LNX2: variants seen among roughly 807,000 people sequenced by gnomAD.
LNX2 encodes the protein ligand of Numb protein X 2.
A neutral mutation model predicts 66.2 loss-of-function variants in LNX2; 35 were observed. The observed-to-expected ratio is 0.53, with a 90% confidence interval of 0.40 to 0.70. The LOEUF (loss-of-function observed/expected upper bound fraction) is 0.70. LNX2 is among the 30% of genes least tolerant of loss of function. The probability of loss-of-function intolerance (pLI) is 0.00; values close to 1 mark genes in which losing one functional copy is unlikely to be tolerated. For missense variants in LNX2, 791 were observed against 850.8 expected (o/e 0.93, Z 0.87); for synonymous variants, 337 against 315.6 (o/e 1.07, Z -0.72).
At chr13:27,566,850 C>A (rs747930402) in intron 4 of LNX2, among the ~76,000 whole-genome samples, 1 of 152,008 alleles carries the variant, frequency 6.6e-6, no homozygotes, top group South Asian at 2.1e-4. Flanking sequence ...AGAAGTTATC[C>A]GTTTTTAAGC....
At chr13:27,560,293 T>C (rs1955115548) in intron 5 of LNX2, among the ~76,000 whole-genome samples, 1 of 152,126 alleles carries the variant, frequency 6.6e-6, no homozygotes, top group Non-Finnish European at 1.5e-5. Flanking sequence ...GTAACTTTTC[T>C]TGTAATACTT....
chr13:27,577,645 A>G (rs951909818), intron 2 of LNX2, among the ~76,000 whole-genome samples: 1 of 152,164 alleles, frequency 6.6e-6, no homozygotes, highest in East Asian at 1.9e-4. Flanking sequence ...CATGAACAAG[A>G]AAAGTTCTCA....
chr13:27,615,547 G>T (rs1234207682), intron 1 of LNX2, among the ~76,000 whole-genome samples: 1 of 152,112 alleles, frequency 6.6e-6, no homozygotes, highest in Non-Finnish European at 1.5e-5. Flanking sequence ...GGTGGTGGTG[G>T]GGCTGACAGT....
At chr13:27,618,266 T>G (rs970550222) in intron 1 of LNX2, among the ~76,000 whole-genome samples, 1 of 152,186 alleles carries the variant, frequency 6.6e-6, no homozygotes, top group Non-Finnish European at 1.5e-5. Context: ...CACACTAGCA[T>G]TTACTAAGTC....
chr13:27,551,839 AG>A (rs1344481542), intron 8 of LNX2, among the ~76,000 whole-genome samples: 2 of 152,212 alleles, frequency 1.3e-5, no homozygotes, highest in Non-Finnish European at 2.9e-5. Context: ...TGAAACAAAC[AG>A]CTTTCTTGTA....
chr13:27,578,034 T>G (rs1392822271), intron 2 of LNX2, among the ~76,000 whole-genome samples: 1 of 151,936 alleles, frequency 6.6e-6, no homozygotes, highest in African/African-American at 2.4e-5. Flanking sequence ...CACTAATACA[T>G]AATCAGTTAA....
At position 27,546,219 on chromosome 13, in the gene LNX2, C is replaced by T. The variant is rs1431310106; in HGVS notation, c.*2116G>A. ...TTCTTCTTTCAAAATACTCATTATG[C>T]CACCAGGTTCAATGTAAGTATTTTG... On this transcript the variant is annotated 3_prime_UTR_variant, in exon 10 of 10. Transcript: ENST00000316334. 6.6e-6 allele frequency: 1 copy of T among 152,124 alleles called. No individual in the cohort carries two copies. Among genetic ancestry groups the T allele is most frequent in the Non-Finnish European group, 1.5e-5 (1 of 68,024 alleles). The allele number at this position is 152,124 out of a possible 1,614,324, so 9.4% of individuals were successfully genotyped here. A position where few individuals can be genotyped will look rare whatever the true frequency, so the allele number is the denominator to read the frequency against.
intron 2 of LNX2, among the ~76,000 whole-genome samples, chr13:27,573,501 T>C (rs1348273744): frequency 6.7e-6 from 1 of 150,322 alleles, no homozygotes. Flanking sequence ...TGAAGACAAA[T>C]ACAAGGCTAA....
rs1002858583 is a variant in LNX2, at chr13:27,603,837, T to C, written c.-101+16538A>G. ...TTCAAATTGGTGAAAAAATGACTAT[T>C]ATGTATTCCACCAAAAAGGAGATGT... On this transcript the variant is annotated intron_variant, in intron 1 of 9. Coordinates refer to ENST00000316334, the MANE Select transcript of LNX2 (RefSeq NM_153371.4). Among the ~76,000 whole-genome samples the C allele has an allele frequency of 1.2e-4, 19 of 152,174 alleles. 1 individual carries two copies. Among genetic ancestry groups the C allele is most frequent in the Admixed American group, 1.0e-3 (16 of 15,290 alleles).
chr13:27,577,893 G>A (rs1955356602), intron 2 of LNX2, among the ~76,000 whole-genome samples: 1 of 152,160 alleles, frequency 6.6e-6, no homozygotes, highest in African/African-American at 2.4e-5. Flanking sequence ...TATAGCTGAT[G>A]TTGCTTGGCA....
At chr13:27,578,612 T>C (rs1955365754) in intron 2 of LNX2, among the ~76,000 whole-genome samples, 1 of 152,184 alleles carries the variant, frequency 6.6e-6, no homozygotes, top group Non-Finnish European at 1.5e-5. Context: ...TATGAGGCCA[T>C]GCAGCCTACT....
Position 27,580,638 on chromosome 13 carries a change from C to G in LNX2, c.407+659G>C, listed in dbSNP as rs1339954768. 2.2e-4 allele frequency among the ~76,000 whole-genome samples: 33 copies of G among 152,108 alleles called. 1 individual carries two copies. Among genetic ancestry groups the G allele is most frequent in the Admixed American group, 2.0e-3 (30 of 15,272 alleles). On this transcript the variant is annotated intron_variant, in intron 2 of 9. Transcript: ENST00000316334. ...ACCTTTTAAAAAGCTTTTATGAGAA[C>G]AGAAATCCCCACTAAATATTTAGTT... is the stretch of plus-strand genomic sequence containing the variant.
chr13:27,577,242 T>A (rs1014179348), intron 2 of LNX2, among the ~76,000 whole-genome samples: 2 of 152,332 alleles, frequency 1.3e-5, no homozygotes, highest in Non-Finnish European at 2.9e-5. Flanking sequence ...GAGTTCTTTA[T>A]ATATTCTGGA....
chr13:27,553,021 G>A (rs918622030), intron 8 of LNX2, among the ~76,000 whole-genome samples, 187 bp downstream of exon 8: 2 of 152,000 alleles, frequency 1.3e-5, no homozygotes, highest in Non-Finnish European at 2.9e-5. Flanking sequence ...CTTTCTTTGT[G>A]TACCTTTTAA....
chr13:27,597,403 G>A (rs1308149666), intron 1 of LNX2, among the ~76,000 whole-genome samples: 11 of 152,140 alleles, frequency 7.2e-5, no homozygotes, highest in African/African-American at 1.9e-4. Context: ...GAAACAATAC[G>A]AGGACTCTCA....
At chr13:27,598,238 T>C (rs1383546932) in intron 1 of LNX2, among the ~76,000 whole-genome samples, 1 of 149,068 alleles carries the variant, frequency 6.7e-6, no homozygotes, top group Non-Finnish European at 1.5e-5. Context: ...TCAACACCTA[T>C]GGCCCACATC....
chr13:27,573,792 A>C (rs1955312970), intron 2 of LNX2, among the ~76,000 whole-genome samples: 1 of 152,064 alleles, frequency 6.6e-6, no homozygotes, highest in Admixed American at 6.6e-5. Context: ...ACAAACAAAC[A>C]ACAACAATAA....
intron 2 of LNX2, among the ~76,000 whole-genome samples, chr13:27,578,526 C>T (rs554438034): frequency 2.1e-4 from 32 of 152,278 alleles, no homozygotes; most frequent in African/African-American, 7.2e-4. Context: ...CCTATGTCCC[C>T]TTTTCCTTGG....
In LNX2 at chr13:27,550,483, T is replaced by G. The variant is rs1954994595; in HGVS notation, c.1787A>C (p.His596Pro). 6.2e-7 allele frequency: 1 copy of G among 1,612,536 alleles called. No homozygotes were observed. The highest frequency in any genetic ancestry group is 2.2e-5 in the East Asian group (1 of 44,874). The change falls in exon 9 of 10, where the codon CAT (histidine) becomes CCT (proline). Residue 596 changes from histidine to proline, a missense_variant. His to Pro is a moderately conservative substitution (Grantham distance 77, BLOSUM62 -2). Coordinates refer to ENST00000316334, the MANE Select transcript of LNX2 (RefSeq NM_153371.4). ...VMWLGLPSTL[H>P]SCHDIVLRRS... ...TCGTAAAACTATATCGTGGCAGCTA[T>G]GAAGTGTGCTATAAACAAACAGAAA...
Sources: gnomAD v4.1 joint callset for allele counts (sites outside exome capture counted in the v4.1 genomes callset) on GRCh38, gnomAD v4.1.1 for gene constraint, MANE v1.5 for transcripts, NCBI Gene and HGNC (gene_info 2026-07-23, HGNC 2026-07-21) for gene names.